Variants in PLEKHS1 observed in about 807,000 individuals in gnomAD.
The protein encoded by PLEKHS1 is pleckstrin homology domain-containing family S member 1.
PLEKHS1 carries 55 observed loss-of-function variants against 51.0 expected under a neutral mutation model. The ratio of observed to expected loss-of-function variants is 1.08; its 90% CI spans 0.87 to 1.35. PLEKHS1 has a LOEUF of 1.35. Ranked by LOEUF, PLEKHS1 falls within the 40% of genes most tolerant of loss-of-function variation. The pLI, the probability that PLEKHS1 is intolerant of heterozygous loss-of-function variation, is 0.00. For missense variants in PLEKHS1, 398 were observed against 423.0 expected (o/e 0.94, Z 0.52); for synonymous variants, 153 against 144.8 (o/e 1.06, Z -0.41).
intron 2 of PLEKHS1, among the ~76,000 whole-genome samples, chr10:113,764,004 A>T (rs1157084711): frequency 1.3e-5 from 2 of 152,174 alleles, no homozygotes; most frequent in African/African-American, 4.8e-5. Flanking sequence ...TATATATCTA[A>T]AAAGTCTTTA....
intron 1 of PLEKHS1, among the ~76,000 whole-genome samples, chr10:113,753,790 CATAT>C (rs925189131): frequency 7.0e-6 from 1 of 142,386 alleles, no homozygotes; most frequent in Admixed American, 6.8e-5. Context: ...TCTCTGAACA[CATAT>C]ATATATATAT....
At chr10:113,762,356 GA>G (rs1843968796) in intron 2 of PLEKHS1, among the ~76,000 whole-genome samples, 1 of 88,762 alleles carries the variant, frequency 1.1e-5, no homozygotes, top group Admixed American at 1.1e-4. Context: ...ATTGACTTTA[GA>G]TTTGTTCCTT....
chr10:113,781,749 CAACACCTCCTTCCCA>C (rs1844877730), exon 12 of PLEKHS1: 1 of 128,102 alleles, frequency 7.8e-6, no homozygotes, highest in Non-Finnish European at 1.7e-5. Context: ...CCTCCTTCCC[CAACACCTCCTTCCCA>C]ACACCTCCTT....
At chr10:113,766,265 T>C in intron 2 of PLEKHS1, 146 bp from the exon 3 acceptor site, 1 of 595,498 alleles carries the variant, frequency 1.7e-6, no homozygotes, top group East Asian at 3.0e-5. Flanking sequence ...TTTGGTCCTT[T>C]GTTTTCTTGG....
In PLEKHS1 at chr10:113,755,319, A is replaced by G; in HGVS notation, c.28+14A>G. 1.9e-6 allele frequency: 3 copies of G among 1,605,394 alleles called. No homozygotes were observed. Among genetic ancestry groups the G allele is most frequent in the Non-Finnish European group, 2.5e-6 (3 of 1,176,700 alleles). ...AGAAGAGTCCAGGTACCCGAGGGGT[A>G]TAATCGCAGAAGCAGAAATCTTTTT... is the stretch of plus-strand genomic sequence containing the variant. On this transcript the variant is annotated intron_variant, in intron 2 of 11. Transcript: ENST00000361048.
chr10:113,755,261 G>A (rs767964255), exon 2 of PLEKHS1: 1 of 1,607,218 alleles, frequency 6.2e-7, no homozygotes, highest in Admixed American at 1.7e-5. Flanking sequence ...TTTGACAGGG[G>A]AGGACACACA....
In PLEKHS1 at chr10:113,777,123, G is replaced by T; in HGVS notation, c.1091+1257G>T. 11 of 1,612,502 alleles carry T rather than the reference G, an allele frequency of 6.8e-6. No homozygotes were observed. Among genetic ancestry groups the T allele is most frequent in the Non-Finnish European group, 9.3e-6 (11 of 1,179,740 alleles). On this transcript the variant is annotated intron_variant, in intron 11 of 11. Transcript: ENST00000361048. ...TATTGGATGTTGTATTCCCACTGCA[G>T]TGTGTCTCAGTGGGAAGGCCCCCCA...
Position 113,773,427 on chromosome 10 carries a change from G to GATAAATAAATAAATAAATAAATAA in PLEKHS1, c.673-780_673-779insATAAATAAATAAATAAATAAATAA, listed in dbSNP as rs139521980. Reference sequence around the variant, plus strand: ...AGACAAAACAGCTAAAAAGACCAAAGATAAATAAATAAATAAATAAGTAAA... The same window carrying GATAAATAAATAAATAAATAAATAA: ...AGACAAAACAGCTAAAAAGACCAAAGATAAATAAATAAATAAATAAATAAATAAATAAATAAATAAATAAGTAAA... On this transcript the variant is annotated intron_variant, in intron 8 of 11. Coordinates refer to ENST00000361048, the Ensembl canonical transcript of PLEKHS1. Among the ~76,000 whole-genome samples, 130 of 147,766 alleles carry GATAAATAAATAAATAAATAAATAA rather than the reference G, an allele frequency of 8.8e-4. 1 individual carries two copies. The highest frequency in any genetic ancestry group is 3.3e-3 in the African/African-American group (123 of 37,772).
intron 7 of PLEKHS1, among the ~76,000 whole-genome samples, chr10:113,770,156 C>T (rs1002846217): frequency 1.3e-5 from 2 of 152,176 alleles, no homozygotes; most frequent in East Asian, 3.9e-4. Context: ...GGTAAGACCC[C>T]TTTGCTAAAC....
intron 2 of PLEKHS1, among the ~76,000 whole-genome samples, chr10:113,760,715 C>T (rs751878361): frequency 1.3e-5 from 2 of 152,062 alleles, no homozygotes; most frequent in African/African-American, 2.4e-5. Flanking sequence ...ATAGTAGGCC[C>T]TGGTCAGATA....
intron 1 of PLEKHS1, among the ~76,000 whole-genome samples, chr10:113,753,818 T>A (rs899862562): frequency 1.3e-5 from 2 of 151,952 alleles, no homozygotes; most frequent in Non-Finnish European, 2.9e-5. Flanking sequence ...TATTATATAT[T>A]TTTTTTATTT....
At chr10:113,757,713 C>G (rs901738965) in intron 2 of PLEKHS1, among the ~76,000 whole-genome samples, 1 of 152,210 alleles carries the variant, frequency 6.6e-6, no homozygotes, top group African/African-American at 2.4e-5. Flanking sequence ...AAAAATTTCT[C>G]TGTAGCAAGT....
chr10:113,768,984 C>T (rs1844284295), intron 6 of PLEKHS1, 94 bp downstream of exon 6: 1 of 847,410 alleles, frequency 1.2e-6, no homozygotes, highest in Non-Finnish European at 1.8e-6. Context: ...TCCTTAGTAA[C>T]TGGCTTTAAT....
chr10:113,755,161 C>T lies in PLEKHS1; in HGVS notation c.-19-98C>T, dbSNP rs114247523. ...ACTCACAACCCATCTCAGCAACATT[C>T]GTGAGCACAATCCTGATACTCACTG... On this transcript the variant is annotated intron_variant, in intron 1 of 11. Coordinates refer to ENST00000361048, the Ensembl canonical transcript of PLEKHS1. 649 of 1,332,342 alleles carry T rather than the reference C, an allele frequency of 4.9e-4. 7 individuals are homozygous for T. In the African/African-American group the frequency reaches 8.9e-3, roughly 18 times the overall value. The allele number at this position is 1,332,342 out of a possible 1,614,324, so 82.5% of individuals were successfully genotyped here.
At chr10:113,765,752 G>GGTTGTT (rs1844133149) in intron 2 of PLEKHS1, among the ~76,000 whole-genome samples, 1 of 152,092 alleles carries the variant, frequency 6.6e-6, no homozygotes, top group Non-Finnish European at 1.5e-5. Context: ...TTCATTTTGG[G>GGTTGTT]TTTGTTTTTG....
chr10:113,761,940 C>T (rs57934749), intron 2 of PLEKHS1, among the ~76,000 whole-genome samples: 29,298 of 151,888 alleles, frequency 0.19, 2,943 homozygotes, highest in East Asian at 0.29. Flanking sequence ...GAGAACAGTA[C>T]AGCCACTTGG....
rs370437613 is a variant in PLEKHS1 at position 113,778,866 on chromosome 10, C to T, written c.*-1736C>T. ...CACCGTGGTCTCAATCTCCTGACCTCGTGATCCGCCCGCCTCGGCCTCCCA... is the reference window on the plus strand; with the variant it reads ...CACCGTGGTCTCAATCTCCTGACCTTGTGATCCGCCCGCCTCGGCCTCCCA... On this transcript the variant is annotated intron_variant, in intron 11 of 11. Transcript: ENST00000361048. 2.6e-4 allele frequency among the ~76,000 whole-genome samples: 39 copies of T among 152,214 alleles called. 1 individual carries two copies. In the East Asian group the frequency reaches 5.8e-3, roughly 23 times the overall value.
intron 2 of PLEKHS1, chr10:113,764,799 T>C (rs1366902943): frequency 1.3e-5 from 2 of 152,478 alleles, no homozygotes; most frequent in African/African-American, 4.8e-5. Context: ...TCTTTGTTTA[T>C]GTTGTTAGTT....
intron 11 of PLEKHS1, among the ~76,000 whole-genome samples, chr10:113,776,406 G>A (rs1844664992): frequency 6.6e-6 from 1 of 152,128 alleles, no homozygotes; most frequent in Admixed American, 6.5e-5. Flanking sequence ...AAAACACTTT[G>A]TAATTTATTT....
Sources: allele counts gnomAD v4.1 joint callset (sites outside exome capture counted in the v4.1 genomes callset), GRCh38; gene constraint gnomAD v4.1.1; transcripts MANE v1.5; gene names NCBI Gene and HGNC (gene_info 2026-07-23, HGNC 2026-07-21).